DDX46: variants seen among roughly 807,000 people sequenced by gnomAD.
DDX46 encodes DEAD-box helicase 46, also known as probable ATP-dependent RNA helicase DDX46.
A neutral mutation model predicts 134.9 loss-of-function variants in DDX46; 30 were observed. That is an observed-to-expected ratio of 0.22 (90% CI 0.17 to 0.30). The LOEUF is 0.30. Ranked by LOEUF, DDX46 falls within the 10% of genes least tolerant of loss-of-function variation. DDX46 has a pLI of 1.00. For missense variants in DDX46, 622 were observed against 1,248.7 expected (o/e 0.50, Z 7.56); for synonymous variants, 415 against 404.1 (o/e 1.03, Z -0.32).
intron 16 of DDX46, among the ~76,000 whole-genome samples, chr5:134,808,582 T>C (rs1214962289): frequency 1.3e-5 from 2 of 152,128 alleles, no homozygotes; most frequent in Non-Finnish European, 2.9e-5. Flanking sequence ...CACATAAATG[T>C]TTATACTTCA....
At chr5:134,812,947 A>AT (rs140858825) in intron 18 of DDX46, among the ~76,000 whole-genome samples, 1,461 of 141,904 alleles carry the variant, frequency 0.01, 7 homozygotes, top group Middle Eastern at 0.062. Flanking sequence ...CAATAAAGTC[A>AT]TTTTTTTTTT....
chr5:134,800,570 A>G (rs1754795680), intron 15 of DDX46, among the ~76,000 whole-genome samples: 1 of 152,128 alleles, frequency 6.6e-6, no homozygotes, highest in African/African-American at 2.4e-5. Context: ...CAGTTCCATC[A>G]CTTCCTAAAA....
chr5:134,773,186 C>T (rs1199065953), intron 4 of DDX46, among the ~76,000 whole-genome samples: 3 of 152,158 alleles, frequency 2.0e-5, no homozygotes, highest in African/African-American at 7.2e-5. Flanking sequence ...ATCCTCTAGC[C>T]TCAGCTTCCC....
chr5:134,777,189 G>C (rs932349782), intron 5 of DDX46, among the ~76,000 whole-genome samples: 1 of 152,226 alleles, frequency 6.6e-6, no homozygotes, highest in Non-Finnish European at 1.5e-5. Flanking sequence ...CTGTACTCCA[G>C]CCTGGGTGAC....
chr5:134,824,398 C>T (rs541957867), intron 21 of DDX46, among the ~76,000 whole-genome samples: 2 of 152,020 alleles, frequency 1.3e-5, no homozygotes, highest in Non-Finnish European at 2.9e-5. Flanking sequence ...TGAGACCAGC[C>T]TGGCCAACAT....
intron 4 of DDX46, among the ~76,000 whole-genome samples, chr5:134,773,105 C>T (rs1392593260): frequency 6.6e-6 from 1 of 151,614 alleles, no homozygotes; most frequent in Admixed American, 6.6e-5. Context: ...TGGCCATAAA[C>T]TTGTATTTTT....
rs570139028 is a variant in DDX46 at position 134,797,995 on chromosome 5, A to G, written c.1954+1845A>G. Among the ~76,000 whole-genome samples, 9 of 151,690 alleles carry G rather than the reference A, an allele frequency of 5.9e-5. No individual in the cohort carries two copies. The East Asian group carries it at 1.6e-3, about 26-fold the overall frequency. On this transcript the variant is annotated intron_variant, in intron 15 of 22. Transcript: ENST00000452510. ...GCCTGGCTAATTTTGTATTTTTAGT[A>G]GAGACGGAGTTTCTCCATGTTGGTC...
chr5:134,783,486 G>T (rs1231510497), intron 9 of DDX46, among the ~76,000 whole-genome samples: 2 of 122 alleles, frequency 0.016, 1 homozygote, highest in Non-Finnish European at 0.05. Flanking sequence ...CCTGACCTCA[G>T]GTGATCCGCC....
intron 21 of DDX46, among the ~76,000 whole-genome samples, chr5:134,825,356 G>T (rs1337516293): frequency 6.6e-6 from 1 of 152,122 alleles, no homozygotes; most frequent in African/African-American, 2.4e-5. Context: ...GTGGCTAGTG[G>T]AGGTATAGGA....
intron 21 of DDX46, among the ~76,000 whole-genome samples, chr5:134,820,710 A>T (rs775790338): frequency 1.3e-5 from 2 of 152,232 alleles, no homozygotes; most frequent in Admixed American, 1.3e-4. Flanking sequence ...AACCATTAAA[A>T]ATGTACAGTT....
chr5:134,798,000 C>T (rs769327195), intron 15 of DDX46, among the ~76,000 whole-genome samples: 4 of 151,902 alleles, frequency 2.6e-5, no homozygotes, highest in East Asian at 3.9e-4. Flanking sequence ...TTAGTAGAGA[C>T]GGAGTTTCTC....
At chr5:134,813,503 A>G (rs1207661166) in intron 18 of DDX46, among the ~76,000 whole-genome samples, 1 of 152,152 alleles carries the variant, frequency 6.6e-6, no homozygotes, top group Non-Finnish European at 1.5e-5. Context: ...CCTTACCCAC[A>G]TGGCAGCTGG....
At chr5:134,794,239 G>A (rs1194521616) in intron 13 of DDX46, among the ~76,000 whole-genome samples, 2 of 152,200 alleles carry the variant, frequency 1.3e-5, no homozygotes, top group Non-Finnish European at 2.9e-5. Context: ...GTGTACGCCT[G>A]CCTGCTGTTG....
At position 134,802,604 on chromosome 5, in the gene DDX46, C is replaced by T. The variant is rs539134901; in HGVS notation, c.1955-5144C>T. Among the ~76,000 whole-genome samples the T allele has an allele frequency of 4.7e-5, 7 of 150,236 alleles. No homozygotes were observed. In the South Asian group the frequency reaches 1.3e-3, roughly 27 times the overall value. ...AGTTCTAAAATTACAAATATGTTCTCTTTTAGATTTTCTTGTTTGTCTGAT... is the reference window on the plus strand; with the variant it reads ...AGTTCTAAAATTACAAATATGTTCTTTTTTAGATTTTCTTGTTTGTCTGAT... On this transcript the variant is annotated intron_variant, in intron 15 of 22. Coordinates refer to ENST00000452510, the MANE Select transcript of DDX46 (RefSeq NM_001300860.2).
intron 6 of DDX46, 172 bp downstream of exon 6, chr5:134,777,897 T>C: frequency 1.5e-6 from 1 of 662,372 alleles, no homozygotes; most frequent in Non-Finnish European, 2.3e-6. Flanking sequence ...AAATTTTAGC[T>C]ATAAGTGTTC....
chr5:134,781,539 A>G (rs190300081), intron 7 of DDX46, among the ~76,000 whole-genome samples: 58 of 152,332 alleles, frequency 3.8e-4, no homozygotes, highest in Non-Finnish European at 7.2e-4. Flanking sequence ...TTTTCTTTCC[A>G]TTAACACGTA....
chr5:134,826,244 TTA>T (rs1755587950), intron 21 of DDX46: 1 of 152,200 alleles, frequency 6.6e-6, no homozygotes, highest in Non-Finnish European at 1.5e-5. Context: ...AATTTGTTAT[TTA>T]TATGTTAAAT....
At chr5:134,767,991 A>G (rs1277948405) in intron 3 of DDX46, among the ~76,000 whole-genome samples, 2 of 151,986 alleles carry the variant, frequency 1.3e-5, no homozygotes, top group Non-Finnish European at 2.9e-5. Flanking sequence ...AATTAAGACA[A>G]TGTGCAATTT....
rs748215709 is a variant in DDX46, at chr5:134,763,936, G to A, written c.50G>A (p.Arg17His). 1.1e-5 allele frequency: 17 copies of A among 1,613,954 alleles called. No individual in the cohort carries two copies. In the South Asian group the frequency reaches 1.1e-4, roughly 10 times the overall value. The change falls in exon 2 of 23, where the codon CGC becomes CAC. Residue 17 changes from arginine to histidine, a missense_variant. By Grantham distance (29) the Arg-to-His change is conservative (BLOSUM62 0). This residue lies in a region of DDX46 where 244 missense variants were observed against 349.3 expected (regional missense o/e 0.70). Transcript: ENST00000452510. Reference protein sequence around the residue: ...HYRKRSASRGRSGSRSRSRSP... With the variant: ...HYRKRSASRGHSGSRSRSRSP... ...CGAAAACGATCGGCATCCCGGGGTC[G>A]CTCTGGAAGTCGGTCTAGAAGTCGC... is the stretch of plus-strand genomic sequence containing the variant.
Sources: gnomAD v4.1 joint callset for allele counts (sites outside exome capture counted in the v4.1 genomes callset) on GRCh38, gnomAD v4.1.1 for gene constraint, gnomAD v4.1.1 regional missense constraint, MANE v1.5 for transcripts, NCBI Gene and HGNC (gene_info 2026-07-23, HGNC 2026-07-21) for gene names.